GPHN: variants seen among roughly 807,000 people sequenced by gnomAD.
GPHN encodes gephyrin.
A neutral mutation model predicts 95.5 loss-of-function variants in GPHN; 17 were observed. The ratio of observed to expected loss-of-function variants is 0.18; its 90% CI spans 0.12 to 0.27. The LOEUF is 0.27. GPHN is among the 10% of genes least tolerant of loss of function. GPHN has a pLI of 1.00. For missense variants in GPHN, 660 were observed against 978.1 expected, an observed-to-expected ratio of 0.67 and a Z score of 4.34; for synonymous variants, 320 against 322.5, an observed-to-expected ratio of 0.99 and a Z score of 0.08.
At chr14:67,343,683 A>G in the GPHN span, among the ~76,000 whole-genome samples, 3 of 152,212 alleles carry the variant, frequency 2.0e-5, no homozygotes, top group Non-Finnish European at 2.9e-5. Context: ...TGGGCAACAC[A>G]ATGAGACCTT....
chr14:66,566,072 G>C (rs2060450873), intron 1 of GPHN, among the ~76,000 whole-genome samples: 1 of 151,238 alleles, frequency 6.6e-6, no homozygotes, highest in African/African-American at 2.4e-5. Flanking sequence ...CATCAAGAGT[G>C]ATGATAATTT....
At chr14:67,733,931 T>C in the GPHN span, 42 of 1,040,884 alleles carry the variant, frequency 4.0e-5, no homozygotes, top group Middle Eastern at 4.4e-4. Context: ...CCTAAAGGAT[T>C]GTCCTCTTGG....
At chr14:67,236,198 G>C in the GPHN span, among the ~76,000 whole-genome samples, 28 of 152,092 alleles carry the variant, frequency 1.8e-4, no homozygotes, top group East Asian at 5.0e-3. Flanking sequence ...CCTCCTAACT[G>C]AAATTTTGTA....
At chr14:67,607,612 G>A in the GPHN span, among the ~76,000 whole-genome samples, 1 of 151,802 alleles carries the variant, frequency 6.6e-6, no homozygotes, top group Non-Finnish European at 1.5e-5. Context: ...TGATCTGCCC[G>A]CCTCGGCCTC....
the GPHN span, chr14:67,581,130 G>C: frequency 1.6e-5 from 13 of 794,156 alleles, no homozygotes; most frequent in Middle Eastern, 3.1e-4. Context: ...CTATCCAGAC[G>C]GGGGGAGGGA....
intron 1 of GPHN, among the ~76,000 whole-genome samples, chr14:66,548,178 A>ATTTTTT (rs564746424): frequency 1.7e-5 from 2 of 116,132 alleles, no homozygotes; most frequent in Admixed American, 8.5e-5. Flanking sequence ...TACTATTGTA[A>ATTTTTT]TTTTTTTTTT....
At chr14:67,587,387 C>T in the GPHN span, 1 of 816,034 alleles carries the variant, frequency 1.2e-6, no homozygotes, top group Admixed American at 2.2e-5. Context: ...AGCCTTTACT[C>T]TCTAGGTGCC....
intron 2 of GPHN, among the ~76,000 whole-genome samples, chr14:66,763,307 G>A (rs1446165919): frequency 7.0e-6 from 1 of 142,402 alleles, no homozygotes; most frequent in East Asian, 2.1e-4. Flanking sequence ...AGTTACATAT[G>A]TATACATGTG....
At chr14:66,873,654 G>A (rs1483488599) in intron 4 of GPHN, among the ~76,000 whole-genome samples, 1 of 152,266 alleles carries the variant, frequency 6.6e-6, no homozygotes, top group Non-Finnish European at 1.5e-5. Flanking sequence ...CTGGAAGTTC[G>A]GACTGGACAG....
At chr14:67,501,189 C>A in the GPHN span, among the ~76,000 whole-genome samples, 1 of 151,998 alleles carries the variant, frequency 6.6e-6, no homozygotes, top group Non-Finnish European at 1.5e-5. Flanking sequence ...AGCAGGTACT[C>A]CCTGCCCTGA....
chr14:67,518,942 T>C, the GPHN span, among the ~76,000 whole-genome samples: 1 of 152,106 alleles, frequency 6.6e-6, no homozygotes, highest in Non-Finnish European at 1.5e-5. Context: ...GATGCTATGA[T>C]AAGAAAGCAA....
the GPHN span, among the ~76,000 whole-genome samples, chr14:67,237,260 CT>C: frequency 2.6e-5 from 4 of 151,970 alleles, no homozygotes; most frequent in African/African-American, 9.7e-5. Context: ...TACTAATTCA[CT>C]TATGAAAATT....
chr14:67,034,154 A>G (rs1230375264), intron 10 of GPHN, among the ~76,000 whole-genome samples: 1 of 151,816 alleles, frequency 6.6e-6, no homozygotes, highest in Admixed American at 6.6e-5. Context: ...GTAAAGGAAA[A>G]TATATATATA....
chr14:67,452,922 T>A, the GPHN span, among the ~76,000 whole-genome samples: 4 of 152,100 alleles, frequency 2.6e-5, no homozygotes, highest in African/African-American at 7.2e-5. Context: ...AACCTGAGCT[T>A]TTTCTCCCTC....
At chr14:67,237,142 G>A in the GPHN span, among the ~76,000 whole-genome samples, 22 of 151,732 alleles carry the variant, frequency 1.4e-4, no homozygotes, top group Admixed American at 4.6e-4. Flanking sequence ...ACTACTATTC[G>A]TAGGTAATTT....
chr14:66,640,873 C>G (rs7152169), intron 1 of GPHN, among the ~76,000 whole-genome samples: 38,429 of 152,084 alleles, frequency 0.25, 9,782 homozygotes, highest in African/African-American at 0.62. Context: ...TGTAGTAAAG[C>G]TTATTCTTCC....
intron 2 of GPHN, among the ~76,000 whole-genome samples, chr14:66,710,863 A>G (rs2069551559): frequency 6.6e-6 from 1 of 152,182 alleles, no homozygotes; most frequent in Non-Finnish European, 1.5e-5. Context: ...TAGGTAATAC[A>G]TGTAAAAGCT....
At chr14:66,644,124 C>G (rs2064600688) in intron 1 of GPHN, among the ~76,000 whole-genome samples, 2 of 151,914 alleles carry the variant, frequency 1.3e-5, no homozygotes, top group African/African-American at 2.4e-5. Context: ...CCTTTGTTGA[C>G]ATTTGGATTT....
the GPHN span, chr14:67,397,776 G>T: frequency 6.2e-7 from 1 of 1,613,360 alleles, no homozygotes; most frequent in Admixed American, 1.7e-5. Flanking sequence ...ACACCAGCGT[G>T]TTCTGCCGAA....
Sources: gnomAD v4.1 joint callset for allele counts (sites outside exome capture counted in the v4.1 genomes callset) on GRCh38, gnomAD v4.1.1 for gene constraint, MANE v1.5 for transcripts, NCBI Gene and HGNC (gene_info 2026-07-23, HGNC 2026-07-21) for gene names.